CPNE4: variants seen among roughly 807,000 people sequenced by gnomAD.
The protein encoded by CPNE4 is copine 4.
In CPNE4, 25 loss-of-function variants were observed where a neutral mutation model predicts 67.9. The observed-to-expected ratio is 0.37, with a 90% confidence interval of 0.27 to 0.51. The LOEUF (loss-of-function observed/expected upper bound fraction) is 0.51, where lower values mean the gene tolerates loss of function less well. Among genes scored for constraint, CPNE4 ranks in the 20% least tolerant of loss-of-function variants. The pLI, the probability that CPNE4 is intolerant of heterozygous loss-of-function variation, is 0.93. For synonymous variants in CPNE4, 242 were observed against 244.9 expected (o/e 0.99, Z 0.11); for missense variants, 464 against 690.8 (o/e 0.67, Z 3.68).
intron 1 of CPNE4, among the ~76,000 whole-genome samples, chr3:131,967,542 A>C (rs1199316475): frequency 2.0e-5 from 3 of 152,222 alleles, no homozygotes; most frequent in Non-Finnish European, 4.4e-5. Context: ...ATACAAAATC[A>C]GTGAGCAAAA....
intron 2 of CPNE4, among the ~76,000 whole-genome samples, chr3:131,821,671 A>C (rs890582697): frequency 1.3e-5 from 2 of 152,214 alleles, no homozygotes; most frequent in Non-Finnish European, 2.9e-5. Context: ...CACAAAAGGA[A>C]ATGAGGGTGT....
intron 1 of CPNE4, among the ~76,000 whole-genome samples, chr3:131,947,295 T>C (rs1347600905): frequency 6.6e-6 from 1 of 152,192 alleles, no homozygotes; most frequent in Non-Finnish European, 1.5e-5. Flanking sequence ...GGTATACATG[T>C]GCCATGGTGG....
At chr3:131,652,461 A>G (rs191125738) in intron 7 of CPNE4, among the ~76,000 whole-genome samples, 29 of 152,362 alleles carry the variant, frequency 1.9e-4, no homozygotes, top group African/African-American at 6.5e-4. Context: ...ACTTTTAAAA[A>G]TAATTATTTC....
chr3:131,926,939 G>A (rs374031198), intron 1 of CPNE4, among the ~76,000 whole-genome samples: 3 of 152,124 alleles, frequency 2.0e-5, no homozygotes, highest in African/African-American at 7.2e-5. Context: ...GGTAATAAGA[G>A]AGGGGTACAG....
intron 3 of CPNE4, among the ~76,000 whole-genome samples, chr3:131,703,743 A>C (rs1443720734): frequency 6.6e-6 from 1 of 152,152 alleles, no homozygotes; most frequent in Admixed American, 6.5e-5. Flanking sequence ...ATATTCTTTA[A>C]AACAGTTACA....
intron 2 of CPNE4, among the ~76,000 whole-genome samples, chr3:131,868,481 A>G (rs1467758301): frequency 6.6e-6 from 1 of 152,236 alleles, no homozygotes. Flanking sequence ...TAGTGACTCC[A>G]TGCATCTGCT....
At chr3:131,842,930 A>G (rs932869746) in intron 2 of CPNE4, among the ~76,000 whole-genome samples, 1 of 152,202 alleles carries the variant, frequency 6.6e-6, no homozygotes. Flanking sequence ...CAAATACGGC[A>G]TATAAGAACA....
intron 1 of CPNE4, among the ~76,000 whole-genome samples, chr3:132,020,725 G>A (rs1366913277): frequency 6.6e-6 from 1 of 152,142 alleles, no homozygotes; most frequent in Non-Finnish European, 1.5e-5. Context: ...GAAACCAGTG[G>A]AAGTGTGATT....
chr3:131,801,583 G>GTC (rs1236119875), intron 2 of CPNE4, among the ~76,000 whole-genome samples: 1 of 148,630 alleles, frequency 6.7e-6, no homozygotes, highest in Non-Finnish European at 1.5e-5. Flanking sequence ...TGTCCTAAAG[G>GTC]TCTCTGCCAA....
intron 7 of CPNE4, among the ~76,000 whole-genome samples, chr3:131,642,285 G>T (rs1310465555): frequency 1.3e-5 from 2 of 152,182 alleles, no homozygotes. Flanking sequence ...TTTGATGTCA[G>T]CTGAATTGGA....
intron 1 of CPNE4, among the ~76,000 whole-genome samples, chr3:131,933,201 G>A (rs1448695195): frequency 6.6e-6 from 1 of 152,154 alleles, no homozygotes; most frequent in Non-Finnish European, 1.5e-5. Flanking sequence ...CTCTGGATCA[G>A]TGTGAAGAAT....
intron 2 of CPNE4, among the ~76,000 whole-genome samples, chr3:131,802,636 G>A (rs1489783905): frequency 1.3e-5 from 2 of 152,142 alleles, no homozygotes; most frequent in Non-Finnish European, 2.9e-5. Context: ...ATTTCTCACA[G>A]CAAGGCTGTA....
chr3:131,822,277 T>A (rs72987754), intron 2 of CPNE4, among the ~76,000 whole-genome samples: 4,820 of 152,314 alleles, frequency 0.032, 182 homozygotes, highest in South Asian at 0.094. Flanking sequence ...TGAAATTTGG[T>A]TCTTTGTCAA....
At chr3:131,638,381 A>G (rs1560026919) in intron 7 of CPNE4, among the ~76,000 whole-genome samples, 1 of 152,044 alleles carries the variant, frequency 6.6e-6, no homozygotes, top group Non-Finnish European at 1.5e-5. Flanking sequence ...AAAAGTGAGC[A>G]GGAATAGCTA....
At chr3:131,775,160 C>G (rs2083262544) in intron 2 of CPNE4, among the ~76,000 whole-genome samples, 1 of 152,026 alleles carries the variant, frequency 6.6e-6, no homozygotes, top group Admixed American at 6.6e-5. Flanking sequence ...TTTTTCACCT[C>G]CAAAGAAGGC....
chr3:131,680,371 C>A (rs2080715422), intron 6 of CPNE4, among the ~76,000 whole-genome samples: 1 of 151,644 alleles, frequency 6.6e-6, no homozygotes, highest in African/African-American at 2.4e-5. Flanking sequence ...TACCAAAACC[C>A]ATTATTTTCA....
At chr3:131,688,550 C>G (rs185827541) in intron 5 of CPNE4, among the ~76,000 whole-genome samples, 1 of 152,152 alleles carries the variant, frequency 6.6e-6, no homozygotes, top group Non-Finnish European at 1.5e-5. Context: ...CTTGTTCCTA[C>G]GTGCCCTTGG....
rs72999276 is a variant in CPNE4 at position 131,608,345 on chromosome 3, G to A, written c.682-20763C>T. 2.2e-3 allele frequency among the ~76,000 whole-genome samples: 335 copies of A among 152,222 alleles called. 1 individual carries two copies. The highest frequency in any genetic ancestry group is 7.7e-3 in the African/African-American group (321 of 41,544). On this transcript the variant is annotated intron_variant, in intron 7 of 15. Transcript: ENST00000429747. ...ATGTGGAGTACGGTGGGTTTGGAGTGGATAGCAATCTGACTGAGCCAGGAG... is the reference window on the plus strand; with the variant it reads ...ATGTGGAGTACGGTGGGTTTGGAGTAGATAGCAATCTGACTGAGCCAGGAG...
intron 2 of CPNE4, among the ~76,000 whole-genome samples, chr3:131,746,104 T>A (rs2082481701): frequency 6.6e-6 from 1 of 152,106 alleles, no homozygotes; most frequent in South Asian, 2.1e-4. Context: ...TATGTTTTCT[T>A]AGATTTATGC....
Sources: gnomAD v4.1 joint callset for allele counts (sites outside exome capture counted in the v4.1 genomes callset) on GRCh38, gnomAD v4.1.1 for gene constraint, MANE v1.5 for transcripts, NCBI Gene and HGNC (gene_info 2026-07-23, HGNC 2026-07-21) for gene names.